Variants in MAPK4 observed in about 807,000 individuals in gnomAD.
The protein encoded by MAPK4 is mitogen-activated protein kinase 4, also known as Erk3-related.
MAPK4 carries 22 observed loss-of-function variants against 47.7 expected under a neutral mutation model. The observed-to-expected ratio is 0.46, with a 90% CI of 0.33 to 0.66. MAPK4 has a LOEUF of 0.66. MAPK4 is among the 30% of genes least tolerant of loss of function. MAPK4 has a pLI of 0.02. For synonymous variants in MAPK4, 390 were observed against 365.7 expected (o/e 1.07, Z -0.76); for missense variants, 736 against 831.7 (o/e 0.88, Z 1.42).
At chr18:50,604,149 C>T (rs1023689257) in intron 1 of MAPK4, among the ~76,000 whole-genome samples, 1 of 152,150 alleles carries the variant, frequency 6.6e-6, no homozygotes, top group African/African-American at 2.4e-5. Flanking sequence ...TAGCCCCATG[C>T]CTCAGTACTT....
intron 2 of MAPK4, among the ~76,000 whole-genome samples, chr18:50,665,668 C>G (rs1907561651): frequency 6.6e-6 from 1 of 152,176 alleles, no homozygotes; most frequent in Non-Finnish European, 1.5e-5. Flanking sequence ...GGGAGCAGGG[C>G]TCCCTGTCCT....
rs778572509 is a variant in MAPK4, at chr18:50,730,299, C to G, written c.*445C>G. On this transcript the variant is annotated 3_prime_UTR_variant, in exon 6 of 6. Transcript: ENST00000400384. ...TAAGATCACAGGCTTAGTGTGAGGA[C>G]GAGCTTGAAATCCCAGTCTCCTGGC... 1 of 154,966 alleles carries G rather than the reference C, an allele frequency of 6.5e-6. No individual in the cohort carries two copies. The highest frequency in any genetic ancestry group is 2.4e-5 in the African/African-American group (1 of 41,550). The allele number at this position is 154,966 out of a possible 1,614,324, so 9.6% of individuals were successfully genotyped here. A position where few individuals can be genotyped will look rare whatever the true frequency, so the allele number is the denominator to read the frequency against.
chr18:50,673,047 C>T (rs1306162654), intron 2 of MAPK4, among the ~76,000 whole-genome samples: 1 of 152,134 alleles, frequency 6.6e-6, no homozygotes, highest in Non-Finnish European at 1.5e-5. Context: ...GAGGCCGAGG[C>T]AGGTGGATCA....
At chr18:50,668,134 A>G (rs1275767832) in intron 2 of MAPK4, among the ~76,000 whole-genome samples, 9 of 152,226 alleles carry the variant, frequency 5.9e-5, no homozygotes, top group Non-Finnish European at 1.0e-4. Context: ...ATTATGAAGG[A>G]CATTTTCAAG....
intron 2 of MAPK4, among the ~76,000 whole-genome samples, chr18:50,672,670 C>A (rs936740209): frequency 1.3e-5 from 2 of 152,154 alleles, no homozygotes; most frequent in Admixed American, 1.3e-4. Flanking sequence ...TATTATAAAT[C>A]TTTAAGCACA....
chr18:50,649,133 A>G (rs1346068740), intron 1 of MAPK4, among the ~76,000 whole-genome samples: 5 of 152,138 alleles, frequency 3.3e-5, no homozygotes, highest in Non-Finnish European at 5.9e-5. Context: ...TTCCATCCCA[A>G]CCCCAGTGAT....
chr18:50,661,038 C>G (rs2043166086), intron 1 of MAPK4, among the ~76,000 whole-genome samples: 1 of 152,204 alleles, frequency 6.6e-6, no homozygotes, highest in African/African-American at 2.4e-5. Context: ...CAAGCAAATC[C>G]TGCATTCAGC....
At chr18:50,605,140 G>T (rs753696256) in intron 1 of MAPK4, among the ~76,000 whole-genome samples, 1 of 152,128 alleles carries the variant, frequency 6.6e-6, no homozygotes, top group Non-Finnish European at 1.5e-5. Context: ...TATATAATGA[G>T]GAAACTGAGG....
At chr18:50,571,552 A>G (rs1437654) in intron 1 of MAPK4, among the ~76,000 whole-genome samples, 62,159 of 152,032 alleles carry the variant, frequency 0.41, 13,715 homozygotes, top group Non-Finnish European at 0.49. Context: ...TAATTCCTCC[A>G]GCATGATTCA....
chr18:50,619,872 G>T (rs2042716414), intron 1 of MAPK4, among the ~76,000 whole-genome samples: 3 of 152,244 alleles, frequency 2.0e-5, no homozygotes, highest in Admixed American at 2.0e-4. Flanking sequence ...TGCGGTGCTA[G>T]TGAGAGAGGA....
chr18:50,721,352 C>T (rs1158662264), intron 3 of MAPK4, among the ~76,000 whole-genome samples: 2 of 152,168 alleles, frequency 1.3e-5, no homozygotes, highest in African/African-American at 4.8e-5. Flanking sequence ...TGTTTGAGTC[C>T]ATCCTGTCCC....
chr18:50,575,853 C>G (rs1237949373), intron 1 of MAPK4, among the ~76,000 whole-genome samples: 4 of 141,348 alleles, frequency 2.8e-5, no homozygotes, highest in African/African-American at 1.0e-4. Flanking sequence ...AGATACTTTT[C>G]AAAAGAAGAC....
intron 1 of MAPK4, among the ~76,000 whole-genome samples, chr18:50,601,200 G>T (rs1025683): frequency 0.52 from 78,999 of 151,202 alleles, 20,611 homozygotes; most frequent in East Asian, 0.62. Context: ...TGGGCATGGT[G>T]GCGCGTGCCT....
intron 1 of MAPK4, among the ~76,000 whole-genome samples, chr18:50,599,246 A>G (rs556782147): frequency 6.6e-6 from 1 of 152,230 alleles, no homozygotes; most frequent in Non-Finnish European, 1.5e-5. Context: ...CTAATTAGAA[A>G]TTATAACAGG....
chr18:50,567,753 T>G (rs909706904), intron 1 of MAPK4, among the ~76,000 whole-genome samples: 5 of 146,888 alleles, frequency 3.4e-5, no homozygotes, highest in South Asian at 2.2e-4. Context: ...TGTGTGTGTG[T>G]GGGTGGGTGT....
chr18:50,684,747 A>G (rs921899837), intron 2 of MAPK4, among the ~76,000 whole-genome samples: 3 of 152,104 alleles, frequency 2.0e-5, no homozygotes, highest in Admixed American at 6.5e-5. Flanking sequence ...ACCGAGGAAG[A>G]CAGGTGAAGG....
intron 2 of MAPK4, among the ~76,000 whole-genome samples, chr18:50,677,290 G>T (rs8096347): frequency 6.6e-6 from 1 of 152,066 alleles, no homozygotes; most frequent in Non-Finnish European, 1.5e-5. Context: ...GTTAACAATG[G>T]TTCGACAAGG....
intron 2 of MAPK4, among the ~76,000 whole-genome samples, chr18:50,671,665 G>A (rs1182347658): frequency 6.6e-6 from 1 of 152,136 alleles, no homozygotes; most frequent in East Asian, 1.9e-4. Context: ...GCTTTGGGAA[G>A]ACTGCTTAAG....
intron 1 of MAPK4, among the ~76,000 whole-genome samples, chr18:50,574,761 A>C (rs1410513010): frequency 1.3e-5 from 2 of 152,242 alleles, no homozygotes; most frequent in Non-Finnish European, 2.9e-5. Flanking sequence ...CAAACCTGCT[A>C]TATAAACATC....
Sources: gnomAD v4.1 joint callset for allele counts (sites outside exome capture counted in the v4.1 genomes callset) on GRCh38, gnomAD v4.1.1 for gene constraint, MANE v1.5 for transcripts, NCBI Gene and HGNC (gene_info 2026-07-23, HGNC 2026-07-21) for gene names.